Variants in RALA observed in about 807,000 individuals in gnomAD.
RALA encodes RAS like proto-oncogene A.
A neutral mutation model predicts 24.0 loss-of-function variants in RALA; 5 were observed. The ratio of observed to expected loss-of-function variants is 0.21; its 90% CI spans 0.11 to 0.44. The LOEUF (loss-of-function observed/expected upper bound fraction) is 0.44. Ranked by LOEUF, RALA falls within the 20% of genes least tolerant of loss-of-function variation. RALA has a pLI of 0.99. For synonymous variants in RALA, 77 were observed against 83.8 expected, an observed-to-expected ratio of 0.92 and a Z score of 0.44; for missense variants, 95 against 241.2, an observed-to-expected ratio of 0.39 and a Z score of 4.01.
intron 1 of RALA, among the ~76,000 whole-genome samples, chr7:39,659,155 T>C (rs1215357118): frequency 1.3e-5 from 2 of 152,004 alleles, no homozygotes; most frequent in Non-Finnish European, 2.9e-5. Context: ...ATGGTGGTGC[T>C]GCTGTGGTGG....
At chr7:39,686,893 AT>A (rs547581621) in intron 2 of RALA, 112 bp downstream of exon 2, 115 of 763,214 alleles carry the variant, frequency 1.5e-4, no homozygotes, top group South Asian at 3.1e-4. Flanking sequence ...ATTACTAATA[AT>A]TTTTTTTTCA....
intron 2 of RALA, among the ~76,000 whole-genome samples, chr7:39,688,191 G>A (rs1312447325): frequency 2.6e-5 from 4 of 152,164 alleles, no homozygotes; most frequent in African/African-American, 9.7e-5. Context: ...ATCACTTGAG[G>A]CTAGGAGCTT....
chr7:39,647,141 C>T (rs909635521), intron 1 of RALA, among the ~76,000 whole-genome samples: 1 of 152,148 alleles, frequency 6.6e-6, no homozygotes, highest in African/African-American at 2.4e-5. Context: ...CTCCCGGGCT[C>T]GAGCAATCCT....
At chr7:39,656,371 A>G (rs968359743) in intron 1 of RALA, among the ~76,000 whole-genome samples, 1 of 152,172 alleles carries the variant, frequency 6.6e-6, no homozygotes, top group Non-Finnish European at 1.5e-5. Context: ...GAGCATTAGC[A>G]TTTTATTTGT....
At chr7:39,691,792 ACT>A (rs1334770474) in intron 3 of RALA, among the ~76,000 whole-genome samples, 4 of 152,170 alleles carry the variant, frequency 2.6e-5, no homozygotes, top group African/African-American at 4.8e-5. Context: ...GGGATGGCAG[ACT>A]CTGGTAGCTT....
At chr7:39,669,639 C>T (rs1041114925) in intron 1 of RALA, among the ~76,000 whole-genome samples, 4 of 152,044 alleles carry the variant, frequency 2.6e-5, no homozygotes, top group African/African-American at 9.6e-5. Context: ...TAGTGAGACC[C>T]TGTCTGTACA....
At chr7:39,639,235 G>A (rs1041387105) in intron 1 of RALA, among the ~76,000 whole-genome samples, 82 of 152,180 alleles carry the variant, frequency 5.4e-4, no homozygotes, top group African/African-American at 2.0e-3. Flanking sequence ...AGAATTGTGA[G>A]CTTTACATAC....
chr7:39,651,637 A>G (rs555475455), intron 1 of RALA, among the ~76,000 whole-genome samples: 1 of 152,230 alleles, frequency 6.6e-6, no homozygotes, highest in East Asian at 1.9e-4. Flanking sequence ...GAATACAGTT[A>G]GGCAGAAAGC....
chr7:39,636,019 A>G (rs1461324458), intron 1 of RALA, among the ~76,000 whole-genome samples: 1 of 152,180 alleles, frequency 6.6e-6, no homozygotes, highest in Non-Finnish European at 1.5e-5. Context: ...AAGATCATCC[A>G]TGTTGTAGCA....
chr7:39,635,992 C>T (rs1369388492), intron 1 of RALA, among the ~76,000 whole-genome samples: 1 of 152,138 alleles, frequency 6.6e-6, no homozygotes, highest in Admixed American at 6.5e-5. Flanking sequence ...GCTACTTTCA[C>T]CTAACATAAT....
At chr7:39,675,216 G>T (rs1367023748) in intron 1 of RALA, among the ~76,000 whole-genome samples, 1 of 152,194 alleles carries the variant, frequency 6.6e-6, no homozygotes. Flanking sequence ...GTGCAGAAAA[G>T]ATACATTGCA....
At chr7:39,628,383 ACACAC>A in intron 1 of RALA, among the ~76,000 whole-genome samples, 1 of 79,340 alleles carries the variant, frequency 1.3e-5, no homozygotes, top group East Asian at 3.2e-4. Flanking sequence ...AACTACACAC[ACACAC>A]ACACACACAC....
chr7:39,687,161 G>A (rs1252018216), intron 2 of RALA, among the ~76,000 whole-genome samples: 2 of 152,152 alleles, frequency 1.3e-5, no homozygotes, highest in Non-Finnish European at 2.9e-5. Flanking sequence ...CACGCACGGT[G>A]GCTCACGCCT....
chr7:39,625,300 A>G lies in RALA; in HGVS notation c.-38+1475A>G, dbSNP rs79749111. 4.4e-3 allele frequency among the ~76,000 whole-genome samples: 677 copies of G among 152,316 alleles called. 6 individuals carry two copies. The highest frequency in any genetic ancestry group is 7.5e-3 in the Non-Finnish European group (512 of 68,024). ...TATCCTCCTCTGAAAGGTTAAAATT[A>G]TATTAAAATTGTGCTGGGCATTATA... On this transcript the variant is annotated intron_variant, in intron 1 of 4. Coordinates refer to ENST00000005257, the MANE Select transcript of RALA (RefSeq NM_005402.4).
intron 1 of RALA, among the ~76,000 whole-genome samples, chr7:39,663,386 A>G (rs763325228): frequency 1.3e-5 from 2 of 152,240 alleles, no homozygotes; most frequent in Non-Finnish European, 2.9e-5. Flanking sequence ...GACACTAATT[A>G]TCTCTGTGTG....
In RALA at chr7:39,656,186, A is replaced by G. The variant is rs189666612; in HGVS notation, c.-37-30445A>G. Among the ~76,000 whole-genome samples, 413 of 152,296 alleles carry G rather than the reference A, an allele frequency of 2.7e-3. 4 individuals are homozygous for G. The highest frequency in any genetic ancestry group is 1.4e-3 in the Non-Finnish European group (92 of 68,022). On this transcript the variant is annotated intron_variant, in intron 1 of 4. Transcript: ENST00000005257. ...GTTGCATCCTGTCAAGTGAACTGTA[A>G]CTAGCAATTCAAAATTCAGAGTTAC...
rs550870596 is a variant in RALA at position 39,635,127 on chromosome 7, AT to A, written c.-38+11304del. 2.0e-3 allele frequency among the ~76,000 whole-genome samples: 303 copies of A among 152,298 alleles called. 1 individual carries two copies. Among genetic ancestry groups the A allele is most frequent in the African/African-American group, 6.9e-3 (285 of 41,574 alleles). ...CACTTTGGGCAGCCAAGGCAGGCAG[AT>A]TGCTTGAGTCCAGGAGTTCAACATG... On this transcript the variant is annotated intron_variant, in intron 1 of 4. Transcript: ENST00000005257.
chr7:39,679,371 C>T (rs73128971), intron 1 of RALA, among the ~76,000 whole-genome samples: 5,979 of 152,224 alleles, frequency 0.039, 173 homozygotes, highest in Middle Eastern at 0.12. Context: ...ACAGGCCATA[C>T]GAAAACAAGT....
chr7:39,687,612 A>G (rs975401263), intron 2 of RALA, among the ~76,000 whole-genome samples: 2 of 152,218 alleles, frequency 1.3e-5, no homozygotes, highest in Admixed American at 1.3e-4. Flanking sequence ...TGTAGCCTAT[A>G]TATAGCAATA....
Sources: allele counts gnomAD v4.1 joint callset (sites outside exome capture counted in the v4.1 genomes callset), GRCh38; gene constraint gnomAD v4.1.1; transcripts MANE v1.5; gene names NCBI Gene and HGNC (gene_info 2026-07-23, HGNC 2026-07-21).